Variants in IL1RAPL2 observed in about 807,000 individuals in gnomAD.
The protein encoded by IL1RAPL2 is interleukin 1 receptor accessory protein like 2.
A neutral mutation model predicts 44.1 loss-of-function variants in IL1RAPL2; 3 were observed. That is an observed-to-expected ratio of 0.07 (90% CI 0.03 to 0.18). The LOEUF is 0.18. Ranked by LOEUF, IL1RAPL2 falls within the 10% of genes least tolerant of loss-of-function variation. The probability of loss-of-function intolerance (pLI) is 1.00; values close to 1 mark genes in which losing one functional copy is unlikely to be tolerated. For synonymous variants in IL1RAPL2, 181 were observed against 178.8 expected (o/e 1.01, Z -0.10); for missense variants, 391 against 496.4 (o/e 0.79, Z 2.02).
In IL1RAPL2 at chrX:104,670,498, C is replaced by T. The variant is rs1199526074; in HGVS notation, c.82+11503C>T. Among the ~76,000 whole-genome samples, 3 of 111,466 alleles carry T rather than the reference C, an allele frequency of 2.7e-5. 1 individual carries two copies. The South Asian group carries it at 1.1e-3, about 42-fold the overall frequency. ...TCTGGCAACACCCTCAAAGACACAC[C>T]CAGAAACAAGTACTTTACCAGCCAT... is the stretch of plus-strand genomic sequence containing the variant. On this transcript the variant is annotated intron_variant, in intron 2 of 10. Transcript: ENST00000372582.
At chrX:104,711,881 A>G (rs183532967) in intron 2 of IL1RAPL2, among the ~76,000 whole-genome samples, 2 of 110,658 alleles carry the variant, frequency 1.8e-5, no homozygotes, top group African/African-American at 3.3e-5. Context: ...TGTGCAAAAT[A>G]GTTTCTGAGG....
chrX:105,075,573 G>A (rs899606489), intron 2 of IL1RAPL2, among the ~76,000 whole-genome samples: 7 of 111,974 alleles, frequency 6.3e-5, no homozygotes, highest in African/African-American at 2.3e-4. Flanking sequence ...AGTTAGGGAG[G>A]ATTCCCTCTT....
At chrX:104,902,467 G>A (rs899792983) in intron 2 of IL1RAPL2, among the ~76,000 whole-genome samples, 15 of 112,217 alleles carry the variant, frequency 1.3e-4, no homozygotes, top group Non-Finnish European at 2.1e-4. Context: ...CTCTAGGTTA[G>A]TAGGAATTGG....
At chrX:105,024,348 G>A (rs1046577053) in intron 2 of IL1RAPL2, among the ~76,000 whole-genome samples, 17 of 111,446 alleles carry the variant, frequency 1.5e-4, no homozygotes, top group African/African-American at 4.9e-4. Context: ...TATGGAACTG[G>A]AAACAGTCCT....
intron 2 of IL1RAPL2, among the ~76,000 whole-genome samples, chrX:104,674,531 T>G (rs1179290435): frequency 3.6e-5 from 4 of 112,163 alleles, no homozygotes; most frequent in Non-Finnish European, 7.5e-5. Context: ...GCTTCAATAT[T>G]CATCAAGGAT....
At chrX:105,503,306 A>G (rs2036409012) in intron 6 of IL1RAPL2, among the ~76,000 whole-genome samples, 1 of 111,460 alleles carries the variant, frequency 9.0e-6, no homozygotes, top group Admixed American at 9.6e-5. Flanking sequence ...TTGTGAATGC[A>G]GTTATTTTCT....
At chrX:104,826,522 T>G (rs1218442758) in intron 2 of IL1RAPL2, among the ~76,000 whole-genome samples, 4 of 111,515 alleles carry the variant, frequency 3.6e-5, no homozygotes, top group African/African-American at 1.3e-4. Flanking sequence ...GAGGAGTGTT[T>G]TACTTCTAAT....
At chrX:105,363,278 T>G (rs1397758206) in intron 5 of IL1RAPL2, among the ~76,000 whole-genome samples, 1 of 75,666 alleles carries the variant, frequency 1.3e-5, no homozygotes, top group African/African-American at 8.2e-5. Flanking sequence ...TATATGTGTG[T>G]ATATATATAT....
intron 5 of IL1RAPL2, among the ~76,000 whole-genome samples, chrX:105,292,702 T>C (rs2034622977): frequency 8.9e-6 from 1 of 111,860 alleles, no homozygotes; most frequent in African/African-American, 3.2e-5. Context: ...TAATTATAAT[T>C]CATTATTTTA....
At chrX:105,560,576 G>A (rs752894538) in intron 6 of IL1RAPL2, among the ~76,000 whole-genome samples, 2 of 109,974 alleles carry the variant, frequency 1.8e-5, no homozygotes, top group African/African-American at 6.6e-5. Context: ...CTGCCACCAC[G>A]CCCGGCTAAC....
chrX:105,395,909 T>G (rs2035559500), intron 5 of IL1RAPL2, among the ~76,000 whole-genome samples: 1 of 112,042 alleles, frequency 8.9e-6, no homozygotes, highest in South Asian at 3.7e-4. Flanking sequence ...AGCCCTGGGG[T>G]TGATGCCCAG....
intron 2 of IL1RAPL2, among the ~76,000 whole-genome samples, chrX:105,096,992 T>G (rs2032611087): frequency 1.8e-5 from 2 of 110,832 alleles, no homozygotes. Context: ...CTGTGATACT[T>G]TAGGCTGCCC....
chrX:105,366,478 G>T (rs1300493975), intron 5 of IL1RAPL2, among the ~76,000 whole-genome samples: 1 of 109,491 alleles, frequency 9.1e-6, no homozygotes, highest in Non-Finnish European at 1.9e-5. Flanking sequence ...TCAGGTTTTT[G>T]TCACTTTGAA....
intron 1 of IL1RAPL2, among the ~76,000 whole-genome samples, chrX:104,585,336 T>TTATATATTATATATATTA (rs1400880944): frequency 5.7e-5 from 1 of 17,650 alleles, no homozygotes; most frequent in Non-Finnish European, 7.8e-5. Flanking sequence ...ATAATATATA[T>TTATATATTATATATATTA]TATATATTAT....
intron 2 of IL1RAPL2, among the ~76,000 whole-genome samples, chrX:104,659,839 C>G (rs1013808318): frequency 1.4e-4 from 16 of 111,582 alleles, no homozygotes; most frequent in African/African-American, 5.2e-4. Context: ...CAAATCTAGT[C>G]AATGAAATGC....
chrX:105,226,508 G>A (rs1388456216), intron 3 of IL1RAPL2, among the ~76,000 whole-genome samples: 1 of 98,715 alleles, frequency 1.0e-5, no homozygotes, highest in Non-Finnish European at 2.0e-5. Flanking sequence ...AGTGATTCTC[G>A]TGCCTCAGCC....
At chrX:104,599,152 C>T (rs1844268932) in intron 1 of IL1RAPL2, among the ~76,000 whole-genome samples, 1 of 112,055 alleles carries the variant, frequency 8.9e-6, no homozygotes, top group Non-Finnish European at 1.9e-5. Flanking sequence ...TATTTATGTC[C>T]TCCATAGGAC....
At chrX:105,118,942 G>A (rs2032891903) in intron 2 of IL1RAPL2, among the ~76,000 whole-genome samples, 1 of 111,894 alleles carries the variant, frequency 8.9e-6, no homozygotes, top group South Asian at 3.7e-4. Flanking sequence ...TGGTTTTGTA[G>A]GTAAGTTACT....
At chrX:104,850,930 A>G (rs1010485130) in intron 2 of IL1RAPL2, among the ~76,000 whole-genome samples, 2 of 111,162 alleles carry the variant, frequency 1.8e-5, no homozygotes, top group African/African-American at 6.5e-5. Flanking sequence ...CCAGTTGAAA[A>G]ATGTGTATGA....
Sources: gnomAD v4.1 joint callset for allele counts (sites outside exome capture counted in the v4.1 genomes callset) on GRCh38, gnomAD v4.1.1 for gene constraint, MANE v1.5 for transcripts, NCBI Gene and HGNC (gene_info 2026-07-23, HGNC 2026-07-21) for gene names.